FAAH2: variants seen among roughly 807,000 people sequenced by gnomAD.
FAAH2 encodes the protein fatty acid amide hydrolase 2.
In FAAH2, 60 loss-of-function variants were observed where a neutral mutation model predicts 36.9. That is an observed-to-expected ratio of 1.63 (90% CI 1.32 to 2.02). The LOEUF (loss-of-function observed/expected upper bound fraction) is 2.02. Ranked by LOEUF, FAAH2 falls within the 30% of genes most tolerant of loss-of-function variation. FAAH2 has a pLI of 0.00. For missense variants in FAAH2, 689 were observed against 397.5 expected (o/e 1.73, Z -6.23); for synonymous variants, 214 against 143.8 (o/e 1.49, Z -3.49).
At chrX:57,201,257 A>G in the FAAH2 span, among the ~76,000 whole-genome samples, 2 of 109,842 alleles carry the variant, frequency 1.8e-5, no homozygotes, top group African/African-American at 3.3e-5. Flanking sequence ...CCCGTCTACT[A>G]AAAGTACAGA....
the FAAH2 span, among the ~76,000 whole-genome samples, chrX:57,241,133 G>A: frequency 1.3e-4 from 15 of 112,088 alleles, no homozygotes; most frequent in East Asian, 2.5e-3. Context: ...TAGGGACATG[G>A]GGTTTTCTGC....
intron 10 of FAAH2, among the ~76,000 whole-genome samples, chrX:57,470,721 G>T (rs2057149319): frequency 9.0e-6 from 1 of 111,629 alleles, no homozygotes; most frequent in South Asian, 3.8e-4. Context: ...GATAGAAAAA[G>T]AGCGAATCCT....
chrX:57,455,991 C>T (rs956205331), intron 10 of FAAH2, among the ~76,000 whole-genome samples: 12 of 111,782 alleles, frequency 1.1e-4, no homozygotes, highest in Non-Finnish European at 2.1e-4. Context: ...ACAACAACCA[C>T]AGAATATATA....
At chrX:57,297,100 G>C (rs1350568916) in intron 2 of FAAH2, among the ~76,000 whole-genome samples, 3 of 109,523 alleles carry the variant, frequency 2.7e-5, no homozygotes, top group Non-Finnish European at 5.7e-5. Context: ...GAAATACAGA[G>C]AACAGAACAA....
rs747136409 is a variant in FAAH2, at chrX:57,391,226, T to A, written c.996+10197T>A. Reference sequence around the variant, plus strand: ...TGTAGACTGTGGATATTAGACCATTTTCAGAGGCATAATTTGCAAATATTT... The same window carrying A: ...TGTAGACTGTGGATATTAGACCATTATCAGAGGCATAATTTGCAAATATTT... On this transcript the variant is annotated intron_variant, in intron 7 of 10. Transcript: ENST00000374900. Among the ~76,000 whole-genome samples, 3 of 111,305 alleles carry A rather than the reference T, an allele frequency of 2.7e-5. No individual in the cohort carries two copies. In the South Asian group the frequency reaches 1.1e-3, roughly 42 times the overall value.
intron 7 of FAAH2, among the ~76,000 whole-genome samples, chrX:57,417,769 T>C (rs758416918): frequency 1.8e-4 from 20 of 112,009 alleles, no homozygotes; most frequent in Non-Finnish European, 9.4e-5. Flanking sequence ...TTCTGGGAGA[T>C]CTGCTGCTCT....
chrX:57,151,842 TAG>T, the FAAH2 span, among the ~76,000 whole-genome samples: 1 of 111,767 alleles, frequency 8.9e-6, no homozygotes, highest in African/African-American at 3.3e-5. Context: ...CTCTGCTTTT[TAG>T]AGTTTCCAGT....
chrX:57,394,635 C>T (rs1170867732), intron 7 of FAAH2: 24 of 1,034,367 alleles, frequency 2.3e-5, no homozygotes, highest in South Asian at 5.7e-5. Context: ...CCACCAGGAA[C>T]GGGCCTCGTC....
the FAAH2 span, among the ~76,000 whole-genome samples, chrX:57,231,986 T>A: frequency 1.8e-5 from 2 of 111,582 alleles, no homozygotes; most frequent in African/African-American, 6.5e-5. Context: ...TATCAATAAA[T>A]TTCCATATGC....
At chrX:57,419,580 G>A in intron 7 of FAAH2, among the ~76,000 whole-genome samples, 1 of 111,363 alleles carries the variant, frequency 9.0e-6, no homozygotes, top group Non-Finnish European at 1.9e-5. Context: ...TTTTTTTCTT[G>A]TAAATTTGTT....
At chrX:57,240,570 G>A in the FAAH2 span, among the ~76,000 whole-genome samples, 27 of 111,706 alleles carry the variant, frequency 2.4e-4, no homozygotes, top group African/African-American at 8.8e-4. Context: ...TGACATGGTC[G>A]GGTCTGCAAG....
chrX:57,361,244 A>T (rs1602403099), intron 5 of FAAH2, among the ~76,000 whole-genome samples: 1 of 111,506 alleles, frequency 9.0e-6, no homozygotes, highest in Admixed American at 9.5e-5. Flanking sequence ...ATCTTAGGTT[A>T]TATATGTAAA....
chrX:57,234,800 C>A, the FAAH2 span, among the ~76,000 whole-genome samples: 6 of 111,823 alleles, frequency 5.4e-5, no homozygotes, highest in South Asian at 3.8e-4. Flanking sequence ...GTAATCCCAG[C>A]ATTTGGGAGG....
At chrX:57,384,224 G>C in intron 7 of FAAH2, among the ~76,000 whole-genome samples, 1 of 107,785 alleles carries the variant, frequency 9.3e-6, no homozygotes, top group East Asian at 2.9e-4. Context: ...AAAAACCCTA[G>C]AAGAAAACCT....
At chrX:57,432,439 C>T (rs765579617) in intron 8 of FAAH2, among the ~76,000 whole-genome samples, 3 of 111,646 alleles carry the variant, frequency 2.7e-5, no homozygotes, top group African/African-American at 9.7e-5. Context: ...ATGTAGGTTT[C>T]AATAAAGCCT....
the FAAH2 span, among the ~76,000 whole-genome samples, chrX:57,151,790 A>G: frequency 1.1e-4 from 12 of 111,388 alleles, no homozygotes; most frequent in Non-Finnish European, 1.5e-4. Context: ...GGTTTGTTCC[A>G]TTGCTGGTGA....
intron 3 of FAAH2, among the ~76,000 whole-genome samples, chrX:57,316,786 A>C (rs2052852190): frequency 1.8e-5 from 2 of 111,126 alleles, no homozygotes; most frequent in Admixed American, 1.9e-4. Flanking sequence ...TGAAAACCTA[A>C]GAAATACCCT....
At chrX:57,153,959 A>G in the FAAH2 span, among the ~76,000 whole-genome samples, 1 of 112,038 alleles carries the variant, frequency 8.9e-6, no homozygotes, top group African/African-American at 3.2e-5. Context: ...ATGTTTTCCA[A>G]ACTTTTAGGT....
intron 7 of FAAH2, among the ~76,000 whole-genome samples, chrX:57,425,411 T>C (rs1192329378): frequency 9.0e-6 from 1 of 111,279 alleles, no homozygotes; most frequent in Non-Finnish European, 1.9e-5. Flanking sequence ...TACCATGGCA[T>C]ATAATAACCA....
Sources: gnomAD v4.1 joint callset for allele counts (sites outside exome capture counted in the v4.1 genomes callset) on GRCh38, gnomAD v4.1.1 for gene constraint, MANE v1.5 for transcripts, NCBI Gene and HGNC (gene_info 2026-07-23, HGNC 2026-07-21) for gene names.